FAM53B: variants seen among roughly 807,000 people sequenced by gnomAD.
FAM53B encodes family with sequence similarity 53 member B.
Under a neutral mutation model 32.7 loss-of-function variants are expected in FAM53B, and 12 were observed. The ratio of observed to expected loss-of-function variants is 0.37; its 90% CI spans 0.24 to 0.59. The LOEUF (loss-of-function observed/expected upper bound fraction) is 0.59. Ranked by LOEUF, FAM53B falls within the 20% of genes least tolerant of loss-of-function variation. FAM53B has a pLI of 0.72. For missense variants in FAM53B, 477 were observed against 577.7 expected, an observed-to-expected ratio of 0.83 and a Z score of 1.79; for synonymous variants, 234 against 228.7, an observed-to-expected ratio of 1.02 and a Z score of -0.21.
chr10:124,656,231 G>T (rs1949588403), intron 4 of FAM53B, among the ~76,000 whole-genome samples: 1 of 152,272 alleles, frequency 6.6e-6, no homozygotes, highest in Non-Finnish European at 1.5e-5. Context: ...AGGCGTCTAG[G>T]TTTGCTCACT....
chr10:124,707,890 T>G (rs1159720912), intron 1 of FAM53B: 1 of 152,200 alleles, frequency 6.6e-6, no homozygotes, highest in Admixed American at 6.5e-5. Flanking sequence ...TGGGACCCAC[T>G]CAGCATCGCC....
At chr10:124,662,975 C>T (rs1949644413) in intron 4 of FAM53B, among the ~76,000 whole-genome samples, 1 of 152,194 alleles carries the variant, frequency 6.6e-6, no homozygotes, top group Non-Finnish European at 1.5e-5. Flanking sequence ...TGTCTACAAG[C>T]CTAGACCAGG....
chr10:124,735,629 G>A (rs1277727619), intron 1 of FAM53B, among the ~76,000 whole-genome samples: 3 of 152,210 alleles, frequency 2.0e-5, no homozygotes, highest in Non-Finnish European at 4.4e-5. Flanking sequence ...ACCTCCTCAG[G>A]GCAACCTGCC....
At chr10:124,684,256 T>G (rs1450715718) in intron 3 of FAM53B, among the ~76,000 whole-genome samples, 1 of 152,244 alleles carries the variant, frequency 6.6e-6, no homozygotes, top group Non-Finnish European at 1.5e-5. Flanking sequence ...AAACATCCAA[T>G]TTCTTCATCA....
intron 4 of FAM53B, among the ~76,000 whole-genome samples, chr10:124,675,071 C>T (rs766994989): frequency 1.6e-4 from 25 of 152,258 alleles, no homozygotes; most frequent in Non-Finnish European, 2.2e-4. Context: ...ATGAACTCCT[C>T]TTCCCCAGGA....
intron 3 of FAM53B, among the ~76,000 whole-genome samples, chr10:124,683,659 T>C (rs1380048564): frequency 1.3e-5 from 2 of 152,110 alleles, no homozygotes; most frequent in Non-Finnish European, 2.9e-5. Context: ...CCAGACAGGA[T>C]GTAAACCCAG....
intron 2 of FAM53B, 114 bp downstream of exon 2, chr10:124,706,522 C>T: frequency 7.4e-7 from 1 of 1,355,526 alleles, no homozygotes; most frequent in Non-Finnish European, 1.0e-6. Flanking sequence ...CAGAGCTTTG[C>T]TCTTGGGGAC....
intron 4 of FAM53B, among the ~76,000 whole-genome samples, chr10:124,634,057 A>C (rs1949410538): frequency 6.6e-6 from 1 of 152,264 alleles, no homozygotes; most frequent in African/African-American, 2.4e-5. Flanking sequence ...CAGCAATTCC[A>C]TGTCTAAGAA....
At position 124,715,810 on chromosome 10, in the gene FAM53B, C is replaced by T. The variant is rs545351858; in HGVS notation, c.-174-8923G>A. On this transcript the variant is annotated intron_variant, in intron 1 of 4. Coordinates refer to ENST00000337318, the MANE Select transcript of FAM53B (RefSeq NM_014661.4). The stretch of plus-strand genomic sequence containing the variant: ...TGTAAGACGTTACCCTTGTGCTGCC[C>T]GCCTCAGCTATAAGTTAAGGAGGTA... Among the ~76,000 whole-genome samples the T allele has an allele frequency of 3.9e-5, 6 of 152,352 alleles. No individual in the cohort carries two copies. In the East Asian group the frequency reaches 7.7e-4, roughly 20 times the overall value.
chr10:124,671,684 T>C (rs951905044), intron 4 of FAM53B, among the ~76,000 whole-genome samples: 1 of 152,164 alleles, frequency 6.6e-6, no homozygotes, highest in African/African-American at 2.4e-5. Flanking sequence ...GACACATTAC[T>C]GATGTGAGCT....
rs1223402252 is a variant in FAM53B, at chr10:124,681,913, G to C, written c.600C>G (p.Gly200=). 5 of 1,613,976 alleles carry C rather than the reference G, an allele frequency of 3.1e-6. No individual in the cohort carries two copies. Among genetic ancestry groups the C allele is most frequent in the Non-Finnish European group, 4.2e-6 (5 of 1,179,972 alleles). Residue 200 remains glycine, a synonymous_variant, in exon 4 of 5, where the codon GGC becomes GGG. Transcript: ENST00000337318. ...FGGQPCQGVP[G]SAPCGQAGDT... is the part of the protein sequence containing the mutation. The stretch of plus-strand genomic sequence containing the variant: ...CACCTGCCTGTCCACACGGGGCTGA[G>C]CCTGGCACCCCTTGGCAGGGCTGCC...
chr10:124,711,274 G>A (rs1276597128), intron 1 of FAM53B, among the ~76,000 whole-genome samples: 1 of 152,180 alleles, frequency 6.6e-6, no homozygotes, highest in East Asian at 1.9e-4. Context: ...CAAAATTATA[G>A]AATTAGTGAA....
chr10:124,659,493 G>A (rs1024732316), intron 4 of FAM53B, among the ~76,000 whole-genome samples: 13 of 152,208 alleles, frequency 8.5e-5, no homozygotes, highest in East Asian at 5.8e-4. Flanking sequence ...TCCAGCCCAC[G>A]CAACAGCCTC....
intron 4 of FAM53B, among the ~76,000 whole-genome samples, chr10:124,647,113 C>T (rs1589736605): frequency 6.6e-6 from 1 of 152,180 alleles, no homozygotes; most frequent in African/African-American, 2.4e-5. Context: ...GGATGCACAG[C>T]GAGGCATCGG....
Position 124,682,695 on chromosome 10 carries a change from C to T in FAM53B, c.134-316G>A, listed in dbSNP as rs543012495. 2.2e-4 allele frequency among the ~76,000 whole-genome samples: 34 copies of T among 152,328 alleles called. No individual in the cohort carries two copies. The highest frequency in any genetic ancestry group is 7.8e-4 in the Admixed American group (12 of 15,302). ...GAGAATCCAAAGCAATATTTTTCAT[C>T]CAAAATGTTTCTCATCTTATGGGTG... is the stretch of plus-strand genomic sequence containing the variant. On this transcript the variant is annotated intron_variant, in intron 3 of 4. Coordinates refer to ENST00000337318, the MANE Select transcript of FAM53B (RefSeq NM_014661.4). This position sits in a 1 kb window ranked among gnomAD's most constrained non-coding sequence, Gnocchi z 5.2.
intron 1 of FAM53B, among the ~76,000 whole-genome samples, chr10:124,711,142 G>A (rs1313983993): frequency 6.6e-6 from 1 of 152,140 alleles, no homozygotes; most frequent in African/African-American, 2.4e-5. Context: ...CAATAAGAAG[G>A]AACCAACCAG....
At chr10:124,739,615 G>GA (rs1348302474) in intron 1 of FAM53B, among the ~76,000 whole-genome samples, 1 of 152,152 alleles carries the variant, frequency 6.6e-6, no homozygotes, top group East Asian at 1.9e-4. Flanking sequence ...CTGGCACCGT[G>GA]AAAAAAGTCC....
chr10:124,730,778 T>C (rs1950137538), intron 1 of FAM53B, among the ~76,000 whole-genome samples: 1 of 152,184 alleles, frequency 6.6e-6, no homozygotes, highest in Admixed American at 6.5e-5. Context: ...AATTGCCACA[T>C]GAGGCTACAG....
chr10:124,646,585 T>G (rs1949516987), intron 4 of FAM53B, among the ~76,000 whole-genome samples: 2 of 152,180 alleles, frequency 1.3e-5, no homozygotes, highest in South Asian at 2.1e-4. Context: ...TCCCGATAGG[T>G]GCAGGGCTTT....
Sources: gnomAD v4.1 joint callset for allele counts (sites outside exome capture counted in the v4.1 genomes callset) on GRCh38, gnomAD v4.1.1 for gene constraint, Gnocchi (gnomAD v3.1) non-coding constraint, MANE v1.5 for transcripts, NCBI Gene and HGNC (gene_info 2026-07-23, HGNC 2026-07-21) for gene names.